Variants in INTS7 observed in about 807,000 individuals in gnomAD.
The protein encoded by INTS7 is chromosome 1 open reading frame 73.
In INTS7, 46 loss-of-function variants were observed where a neutral mutation model predicts 109.2. The observed-to-expected ratio is 0.42, with a 90% CI of 0.33 to 0.54. INTS7 has a LOEUF of 0.54. Among genes scored for constraint, INTS7 ranks in the 20% least tolerant of loss-of-function variants. INTS7 has a pLI of 0.07. For synonymous variants in INTS7, 412 were observed against 402.9 expected (o/e 1.02, Z -0.27); for missense variants, 929 against 1,132.4 (o/e 0.82, Z 2.58).
chr1:212,012,092 G>A (rs1666187778), intron 4 of INTS7, among the ~76,000 whole-genome samples: 1 of 152,076 alleles, frequency 6.6e-6, no homozygotes, highest in South Asian at 2.1e-4. Flanking sequence ...TGGTGCCATG[G>A]GGCACTTTAG....
intron 16 of INTS7, among the ~76,000 whole-genome samples, chr1:211,962,260 TAAA>T (rs35134976): frequency 3.7e-4 from 29 of 79,330 alleles, no homozygotes; most frequent in African/African-American, 1.2e-3. Context: ...CAACAAAGAT[TAAA>T]AAAAAAAAAA....
chr1:212,021,916 T>C (rs947408507), intron 1 of INTS7, among the ~76,000 whole-genome samples: 1 of 152,000 alleles, frequency 6.6e-6, no homozygotes, highest in African/African-American at 2.4e-5. Context: ...AAAAATATTT[T>C]GAACTGAATG....
rs1203153152 is a variant in INTS7, at chr1:211,941,942, G to C, written c.2771C>G (p.Thr924Ser). Residue 924 changes from threonine (T) to serine (S), a missense_variant, in exon 20 of 20, where the codon ACT becomes AGT. By Grantham distance (58) the Thr-to-Ser change is moderately conservative. Around this residue, in one of 2 missense-constraint regions of INTS7, gnomAD observed 787 missense variants for 901.1 expected, o/e 0.87. Coordinates refer to ENST00000366994, the MANE Select transcript of INTS7 (RefSeq NM_015434.4). ...NGIVWKTGPR[T>S]TIFVKSLEDP... ...TTCCAGGGATTTTACAAATATGGTAGTTCTGGGACCAGTCTTCCATACTAT... is the reference window on the plus strand; with the variant it reads ...TTCCAGGGATTTTACAAATATGGTACTTCTGGGACCAGTCTTCCATACTAT... 6.2e-7 allele frequency: 1 copy of C among 1,614,198 alleles called. No individual in the cohort carries two copies. Among genetic ancestry groups the C allele is most frequent in the East Asian group, 2.2e-5 (1 of 44,880 alleles).
At chr1:211,968,824 C>A (rs576065114) in intron 13 of INTS7, 117 bp from the exon 14 acceptor site, 8 of 603,162 alleles carry the variant, frequency 1.3e-5, no homozygotes, top group Admixed American at 9.3e-5. Flanking sequence ...AAAACACTGA[C>A]GGATAAAGAC....
intron 4 of INTS7, among the ~76,000 whole-genome samples, chr1:212,012,453 T>A (rs1558053238): frequency 6.6e-6 from 1 of 152,114 alleles, no homozygotes; most frequent in Non-Finnish European, 1.5e-5. Context: ...AACACTGATA[T>A]CAAAAATATA....
intron 6 of INTS7, 86 bp from the exon 7 acceptor site, chr1:212,006,847 A>G: frequency 3.5e-6 from 4 of 1,150,804 alleles, no homozygotes; most frequent in Non-Finnish European, 4.9e-6. Context: ...AAACTTATAA[A>G]GGGACAGGAC....
At chr1:211,993,810 A>T (rs1665249791) in intron 7 of INTS7, among the ~76,000 whole-genome samples, 1 of 152,152 alleles carries the variant, frequency 6.6e-6, no homozygotes, top group Non-Finnish European at 1.5e-5. Context: ...AACACACTAA[A>T]AAATGTTTTT....
chr1:212,000,546 T>G (rs1036602297), intron 7 of INTS7, among the ~76,000 whole-genome samples: 1 of 152,212 alleles, frequency 6.6e-6, no homozygotes, highest in African/African-American at 2.4e-5. Flanking sequence ...AAACTTACCT[T>G]TAATATAACT....
chr1:211,941,745 C>G lies in INTS7; in HGVS notation c.*79G>C, dbSNP rs561657404. On this transcript the variant is annotated 3_prime_UTR_variant, in exon 20 of 20. Coordinates refer to ENST00000366994, the MANE Select transcript of INTS7 (RefSeq NM_015434.4). ...AATGAACTACACTGTAACTTTAATACTTATTCCATATGAAAAACCAAACTG... is the reference window on the plus strand; with the variant it reads ...AATGAACTACACTGTAACTTTAATAGTTATTCCATATGAAAAACCAAACTG... The G allele has an allele frequency of 1.0e-4, 153 of 1,521,066 alleles. No individual in the cohort carries two copies. In the African/African-American group the frequency reaches 1.9e-3, roughly 19 times the overall value. 94.2% of individuals were successfully genotyped at this position (1,521,066 alleles called of 1,614,324 possible).
At chr1:211,945,837 T>C (rs967308859) in intron 18 of INTS7, among the ~76,000 whole-genome samples, 1 of 152,252 alleles carries the variant, frequency 6.6e-6, no homozygotes, top group Non-Finnish European at 1.5e-5. Flanking sequence ...GGCTTAAATA[T>C]TTCAAAATAC....
At position 211,961,336 on chromosome 1, in the gene INTS7, G is replaced by C. The variant is rs546051566; in HGVS notation, c.2183+5094C>G. ...AAAAAAAGGCAGCTAGAAAGGTCAG[G>C]CCACCTACAAAGGGAAGTCCATCAG... On this transcript the variant is annotated intron_variant, in intron 16 of 19. Transcript: ENST00000366994. Among the ~76,000 whole-genome samples the C allele has an allele frequency of 3.5e-4, 53 of 151,906 alleles. 1 individual carries two copies. Among genetic ancestry groups the C allele is most frequent in the Admixed American group, 5.9e-4 (9 of 15,270 alleles).
intron 8 of INTS7, among the ~76,000 whole-genome samples, chr1:211,984,242 T>C (rs1664793296): frequency 6.6e-6 from 1 of 152,190 alleles, no homozygotes. Flanking sequence ...TCCTCTATTC[T>C]TTTTGTCCAT....
chr1:212,001,064 CTTTTTTTTTTTT>C (rs71137715), intron 7 of INTS7, among the ~76,000 whole-genome samples: 2 of 122,852 alleles, frequency 1.6e-5, no homozygotes, highest in Admixed American at 8.4e-5. Flanking sequence ...GGCAGAATTC[CTTTTTTTTTTTT>C]TTTTTTTTGA....
chr1:211,965,568 C>A (rs1663834362), intron 16 of INTS7, among the ~76,000 whole-genome samples: 1 of 152,222 alleles, frequency 6.6e-6, no homozygotes, highest in East Asian at 1.9e-4. Context: ...CGATGGCAGA[C>A]CAGATAAAGA....
intron 7 of INTS7, among the ~76,000 whole-genome samples, chr1:212,003,121 G>A (rs1665750997): frequency 1.3e-5 from 2 of 151,982 alleles, no homozygotes; most frequent in Admixed American, 6.6e-5. Flanking sequence ...AAGAAAAGGT[G>A]AGAAAAAGAG....
chr1:211,985,021 G>A (rs902143189), intron 8 of INTS7, among the ~76,000 whole-genome samples: 1 of 152,042 alleles, frequency 6.6e-6, no homozygotes, highest in Non-Finnish European at 1.5e-5. Context: ...TTGTATATAT[G>A]CCATTTCTCA....
chr1:212,017,199 A>G (rs949434059), intron 3 of INTS7, among the ~76,000 whole-genome samples, 176 bp from the exon 4 acceptor site: 1 of 152,254 alleles, frequency 6.6e-6, no homozygotes, highest in African/African-American at 2.4e-5. Context: ...ACGCTTTTAC[A>G]TATTTCAATA....
In INTS7 at chr1:212,021,113, A is replaced by C; in HGVS notation, c.194T>G (p.Phe65Cys). ...YPFPILINSA[F>C]LKLADVFRVG... ...TCTGAAAACATCAGCTAACTTTAGG[A>C]ATGCAGAATTGATAAGAATAGGGAA... The change falls in exon 2 of 20, where the codon TTC becomes TGC. Residue 65 changes from phenylalanine to cysteine, a missense_variant. This residue lies in a region of INTS7 where 142 missense variants were observed against 231.4 expected (regional missense o/e 0.61). Coordinates refer to ENST00000366994, the MANE Select transcript of INTS7 (RefSeq NM_015434.4). The C allele has an allele frequency of 6.2e-7, 1 of 1,611,012 alleles. No homozygotes were observed. The highest frequency in any genetic ancestry group is 1.7e-5 in the Admixed American group (1 of 59,654).
intron 7 of INTS7, among the ~76,000 whole-genome samples, chr1:212,002,544 GACCTCAC>G (rs1371681658): frequency 6.6e-6 from 1 of 152,142 alleles, no homozygotes; most frequent in Non-Finnish European, 1.5e-5. Context: ...CAGTCACACT[GACCTCAC>G]ACTCATGAAT....
Sources: gnomAD v4.1 joint callset for allele counts (sites outside exome capture counted in the v4.1 genomes callset) on GRCh38, gnomAD v4.1.1 for gene constraint, gnomAD v4.1.1 regional missense constraint, MANE v1.5 for transcripts, NCBI Gene and HGNC (gene_info 2026-07-23, HGNC 2026-07-21) for gene names.